Variants in KCNH8 observed in about 807,000 individuals in gnomAD.
KCNH8 encodes the protein voltage-gated delayed rectifier potassium channel KCNH8.
In KCNH8, 70 loss-of-function variants were observed where a neutral mutation model predicts 103.6. The ratio of observed to expected loss-of-function variants is 0.68; its 90% confidence interval spans 0.56 to 0.82. The LOEUF is 0.82. KCNH8 is among the 40% of genes least tolerant of loss of function. The pLI, the probability that KCNH8 is intolerant of heterozygous loss-of-function variation, is 0.00. For missense variants in KCNH8, 1,217 were observed against 1,329.9 expected, an observed-to-expected ratio of 0.92 and a Z score of 1.32; for synonymous variants, 498 against 489.4, an observed-to-expected ratio of 1.02 and a Z score of -0.23.
chr3:19,248,580 C>A (rs539336846), intron 1 of KCNH8, among the ~76,000 whole-genome samples: 2 of 152,072 alleles, frequency 1.3e-5, no homozygotes, highest in African/African-American at 4.8e-5. Context: ...CTGCTAGTAG[C>A]GAGCAAGTCA....
intron 3 of KCNH8, among the ~76,000 whole-genome samples, chr3:19,322,640 T>C (rs1438912847): frequency 6.6e-6 from 1 of 152,216 alleles, no homozygotes; most frequent in Non-Finnish European, 1.5e-5. Context: ...TCCCTTGTCT[T>C]GACTTTAGAT....
chr3:19,217,779 A>G (rs1008729883), intron 1 of KCNH8, among the ~76,000 whole-genome samples: 2 of 152,124 alleles, frequency 1.3e-5, no homozygotes, highest in African/African-American at 4.8e-5. Flanking sequence ...GCAGCTTTTG[A>G]ATAACTGGAT....
chr3:19,362,325 CAG>C (rs151088868), intron 5 of KCNH8, among the ~76,000 whole-genome samples: 4,107 of 152,166 alleles, frequency 0.027, 85 homozygotes, highest in Middle Eastern at 0.099. Context: ...TGTGACAAGA[CAG>C]GGGAAGTAAA....
chr3:19,467,766 T>C (rs2067772726), intron 11 of KCNH8, among the ~76,000 whole-genome samples: 1 of 152,218 alleles, frequency 6.6e-6, no homozygotes, highest in Non-Finnish European at 1.5e-5. Flanking sequence ...ATTTTGCTGC[T>C]TGAAATAGAT....
chr3:19,218,590 T>C (rs1199458380), intron 1 of KCNH8, among the ~76,000 whole-genome samples: 1 of 152,232 alleles, frequency 6.6e-6, no homozygotes, highest in Non-Finnish European at 1.5e-5. Context: ...ATCTGGTCCT[T>C]CACTTTCTCT....
At chr3:19,274,691 G>C (rs780349093) in intron 2 of KCNH8, among the ~76,000 whole-genome samples, 6 of 152,038 alleles carry the variant, frequency 3.9e-5, no homozygotes, top group Non-Finnish European at 7.4e-5. Context: ...AGATTTCTGA[G>C]AGGTGGCTAT....
chr3:19,499,974 A>T (rs2068538598), intron 11 of KCNH8, among the ~76,000 whole-genome samples: 2 of 152,246 alleles, frequency 1.3e-5, no homozygotes, highest in South Asian at 2.1e-4. Context: ...TAAATGCTCC[A>T]ATTAAAAGAC....
At chr3:19,486,801 G>A (rs993272508) in intron 11 of KCNH8, among the ~76,000 whole-genome samples, 4 of 152,138 alleles carry the variant, frequency 2.6e-5, no homozygotes, top group African/African-American at 9.7e-5. Context: ...CTTACAGCTC[G>A]TAGGAATTCC....
At chr3:19,185,404 G>A (rs868540046) in intron 1 of KCNH8, among the ~76,000 whole-genome samples, 2 of 151,728 alleles carry the variant, frequency 1.3e-5, no homozygotes, top group Non-Finnish European at 3.0e-5. Context: ...GTTCTTATTA[G>A]CTATTTGATG....
chr3:19,235,624 G>A (rs986006648), intron 1 of KCNH8, among the ~76,000 whole-genome samples: 4 of 152,104 alleles, frequency 2.6e-5, no homozygotes, highest in Non-Finnish European at 4.4e-5. Context: ...TAAGAATAAC[G>A]ATATAACAAT....
chr3:19,398,911 C>T (rs747722138), intron 7 of KCNH8, among the ~76,000 whole-genome samples: 9 of 151,866 alleles, frequency 5.9e-5, no homozygotes, highest in Non-Finnish European at 8.8e-5. Context: ...AAAAGTATTG[C>T]CTTTGCGGTT....
chr3:19,248,674 T>G lies in KCNH8; in HGVS notation c.77-4980T>G, dbSNP rs569973177. On this transcript the variant is annotated intron_variant, in intron 1 of 15. Coordinates refer to ENST00000328405, the MANE Select transcript of KCNH8 (RefSeq NM_144633.3). Reference sequence around the variant, plus strand: ...CAGCATTGGATCTTAGACAGGAAACTAAAGTTCTCTAGGTCTGTGTTCTCT... The same window carrying G: ...CAGCATTGGATCTTAGACAGGAAACGAAAGTTCTCTAGGTCTGTGTTCTCT... 2.6e-4 allele frequency among the ~76,000 whole-genome samples: 40 copies of G among 152,324 alleles called. 3 individuals carry two copies. In the South Asian group the frequency reaches 8.1e-3, roughly 31 times the overall value.
intron 1 of KCNH8, among the ~76,000 whole-genome samples, chr3:19,202,999 A>C (rs1031460765): frequency 6.6e-6 from 1 of 152,170 alleles, no homozygotes; most frequent in Non-Finnish European, 1.5e-5. Flanking sequence ...TTTGTTCAAA[A>C]TTAGTTAGAA....
chr3:19,223,383 A>T (rs2063896662), intron 1 of KCNH8, among the ~76,000 whole-genome samples: 1 of 152,210 alleles, frequency 6.6e-6, no homozygotes, highest in African/African-American at 2.4e-5. Flanking sequence ...TCAGTATTGA[A>T]TAGGTAACTA....
intron 1 of KCNH8, among the ~76,000 whole-genome samples, chr3:19,241,723 G>C (rs62279462): frequency 9.5e-5 from 14 of 147,714 alleles, no homozygotes; most frequent in African/African-American, 3.3e-4. Flanking sequence ...TACACACACA[G>C]ACACACACAC....
At chr3:19,226,423 T>C (rs552659222) in intron 1 of KCNH8, among the ~76,000 whole-genome samples, 2 of 152,290 alleles carry the variant, frequency 1.3e-5, no homozygotes, top group East Asian at 3.9e-4. Context: ...ATTTCCTGGA[T>C]AATAAGCAAG....
intron 12 of KCNH8, 106 bp from the exon 13 acceptor site, chr3:19,512,864 G>A: frequency 2.0e-6 from 2 of 980,138 alleles, no homozygotes; most frequent in Non-Finnish European, 3.1e-6. Flanking sequence ...TGAAAAGTAA[G>A]TCTCTAAGAG....
chr3:19,462,121 T>A (rs1300160524), intron 11 of KCNH8, among the ~76,000 whole-genome samples: 1 of 152,174 alleles, frequency 6.6e-6, no homozygotes, highest in Non-Finnish European at 1.5e-5. Flanking sequence ...TGTGTCTTTA[T>A]GGCAGTATGA....
chr3:19,369,802 G>C (rs1297154314), intron 5 of KCNH8, among the ~76,000 whole-genome samples: 1 of 151,716 alleles, frequency 6.6e-6, no homozygotes, highest in South Asian at 2.1e-4. Context: ...TCGAAACCCT[G>C]TATGCTCCAC....
Sources: gnomAD v4.1 joint callset for allele counts (sites outside exome capture counted in the v4.1 genomes callset) on GRCh38, gnomAD v4.1.1 for gene constraint, MANE v1.5 for transcripts, NCBI Gene and HGNC (gene_info 2026-07-23, HGNC 2026-07-21) for gene names.